Variants in HTR3A observed in about 807,000 individuals in gnomAD.
HTR3A encodes 5-hydroxytryptamine receptor 3A.
Under a neutral mutation model 54.8 loss-of-function variants are expected in HTR3A, and 45 were observed. The observed-to-expected ratio is 0.82, with a 90% CI of 0.65 to 1.05. The LOEUF is 1.05. Among genes scored for constraint, HTR3A ranks in the 50% least tolerant of loss-of-function variants. The pLI is 0.00. For synonymous variants in HTR3A, 297 were observed against 256.0 expected, an observed-to-expected ratio of 1.16 and a Z score of -1.53; for missense variants, 657 against 614.0, an observed-to-expected ratio of 1.07 and a Z score of -0.74.
Position 113,979,259 on chromosome 11 carries a change from C to T in HTR3A, c.246C>T (p.Thr82=), listed in dbSNP as rs1048995044. Residue 82 remains threonine (T), a synonymous_variant, in exon 3 of 9, where the codon ACC becomes ACT. Coordinates refer to ENST00000504030, the MANE Select transcript of HTR3A (RefSeq NM_000869.6). The part of the protein sequence containing the change: ...NVDEKNQVLT[T]YIWYRQYWTD... ...ATGAGAAGAATCAGGTGCTGACCAC[C>T]TACATCTGGTACCGGCAGGTGAGCA... 1 of 1,612,982 alleles carries T rather than the reference C, an allele frequency of 6.2e-7. No individual in the cohort carries two copies. Among genetic ancestry groups the T allele is most frequent in the East Asian group, 2.2e-5 (1 of 44,864 alleles).
intron 1 of HTR3A, among the ~76,000 whole-genome samples, chr11:113,976,567 TAGTTTGTGTG>T (rs1950352923): frequency 1.2e-5 from 1 of 84,018 alleles, no homozygotes; most frequent in Non-Finnish European, 2.6e-5. Flanking sequence ...ACTTAAAAAA[TAGTTTGTGTG>T]TGTGTGTGTG....
At chr11:113,980,602 C>T (rs1950410158) in intron 3 of HTR3A, among the ~76,000 whole-genome samples, 2 of 152,232 alleles carry the variant, frequency 1.3e-5, no homozygotes, top group Admixed American at 6.5e-5. Context: ...TGTTTCATTG[C>T]ATACGGCTGC....
intron 4 of HTR3A, among the ~76,000 whole-genome samples, chr11:113,981,650 T>C (rs1950423066): frequency 6.6e-6 from 1 of 151,940 alleles, no homozygotes; most frequent in African/African-American, 2.4e-5. Context: ...AGACAGTAAA[T>C]GTTTATTTAA....
At chr11:113,982,251 G>A (rs554675941) in intron 4 of HTR3A, among the ~76,000 whole-genome samples, 17 of 152,284 alleles carry the variant, frequency 1.1e-4, no homozygotes, top group East Asian at 3.9e-4. Context: ...CTGGGGAGAC[G>A]GAGGAAAAGG....
intron 2 of HTR3A, 46 bp downstream of exon 2, chr11:113,977,968 G>A: frequency 6.2e-7 from 1 of 1,611,734 alleles, no homozygotes; most frequent in Non-Finnish European, 8.5e-7. Flanking sequence ...TTTTGGGGGT[G>A]GGAGAAGGCC....
Position 113,989,667 on chromosome 11 carries a change from C to G in HTR3A, c.1341C>G (p.Ser447=). Residue 447 remains serine (S), a synonymous_variant, in exon 9 of 9, where the codon TCC becomes TCG. Transcript: ENST00000504030. This position sits in a 1 kb window ranked among gnomAD's most constrained non-coding sequence, Gnocchi z 4.4. ...EVARDWLRVG[S]VLDKLLFHIY... ...CCCGAGACTGGCTGCGCGTGGGCTC[C>G]GTGCTGGACAAGCTGCTATTCCACA... is the stretch of plus-strand genomic sequence containing the variant. The G allele has an allele frequency of 6.2e-7, 1 of 1,614,116 alleles. No homozygotes were observed.
chr11:113,989,409 G>T lies in HTR3A; in HGVS notation c.1139-56G>T. 1 of 1,595,698 alleles carries T rather than the reference G, an allele frequency of 6.3e-7. No homozygotes were observed. Among genetic ancestry groups the T allele is most frequent in the East Asian group, 2.2e-5 (1 of 44,816 alleles). ...AGGCTATAGAAGCATAAGGAACCATGTTCAGGTCACCACCCGGGGTCTCCC... is the reference window on the plus strand; with the variant it reads ...AGGCTATAGAAGCATAAGGAACCATTTTCAGGTCACCACCCGGGGTCTCCC... On this transcript the variant is annotated intron_variant, in intron 8 of 8. Coordinates refer to ENST00000504030, the MANE Select transcript of HTR3A (RefSeq NM_000869.6). The surrounding 1 kb of genome is among the most constrained non-coding windows in gnomAD (Gnocchi z 4.4).
chr11:113,983,108 T>A lies in HTR3A; in HGVS notation c.375-12T>A, dbSNP rs372567890. ...TCTTGAGCTCCCAAACTAACCCCTT[T>A]TCCCCCGCCAGCGTGGATGTGGGGA... is the stretch of plus-strand genomic sequence containing the variant. On this transcript the variant is annotated splice_polypyrimidine_tract_variant and intron_variant, in intron 4 of 8. Coordinates refer to ENST00000504030, the MANE Select transcript of HTR3A (RefSeq NM_000869.6). 6.2e-7 allele frequency: 1 copy of A among 1,614,048 alleles called. No homozygotes were observed. Among genetic ancestry groups the A allele is most frequent in the African/African-American group, 1.3e-5 (1 of 74,930 alleles).
intron 5 of HTR3A, 68 bp downstream of exon 5, chr11:113,983,357 G>A (rs1950447595): frequency 1.3e-6 from 2 of 1,569,570 alleles, no homozygotes; most frequent in South Asian, 1.1e-5. Flanking sequence ...TGAGCGAGGA[G>A]TGCTCCCCAG....
At chr11:113,981,819 G>A (rs541557969) in intron 4 of HTR3A, among the ~76,000 whole-genome samples, 2 of 151,934 alleles carry the variant, frequency 1.3e-5, no homozygotes, top group Admixed American at 6.6e-5. Context: ...TTAGCCAGGC[G>A]TGGTGGCGAG....
At chr11:113,977,257 G>C (rs1950362222) in intron 1 of HTR3A, among the ~76,000 whole-genome samples, 1 of 152,146 alleles carries the variant, frequency 6.6e-6, no homozygotes, top group Admixed American at 6.5e-5. Flanking sequence ...TTCTTTACCT[G>C]TTTCATACTC....
intron 3 of HTR3A, among the ~76,000 whole-genome samples, chr11:113,979,665 C>T (rs985628641): frequency 6.6e-6 from 1 of 152,134 alleles, no homozygotes; most frequent in Non-Finnish European, 1.5e-5. Flanking sequence ...CAGGATGGTT[C>T]GTTCCATCCA....
At chr11:113,976,908 G>A (rs1950359371) in intron 1 of HTR3A, among the ~76,000 whole-genome samples, 1 of 151,790 alleles carries the variant, frequency 6.6e-6, no homozygotes. Flanking sequence ...CCTTCTGGAA[G>A]TGCTCCTGCT....
chr11:113,981,064 G>T, intron 3 of HTR3A, 139 bp from the exon 4 acceptor site: 1 of 684,260 alleles, frequency 1.5e-6, no homozygotes. Flanking sequence ...TGAGGGAATT[G>T]GGCGCCACTG....
At chr11:113,975,421 T>A in intron 1 of HTR3A, 29 bp downstream of exon 1, 1 of 1,586,194 alleles carries the variant, frequency 6.3e-7, no homozygotes, top group Non-Finnish European at 8.6e-7. Flanking sequence ...GCAGCAGGAC[T>A]TGGCTGACCA....
chr11:113,986,502 T>C lies in HTR3A; in HGVS notation c.706-16T>C. On this transcript the variant is annotated splice_polypyrimidine_tract_variant and intron_variant, in intron 6 of 8. Transcript: ENST00000504030. ...TGTTTGCCCCAGGCTTCCCACAAGC[T>C]CTTCTCCGGTCCCAGGTGGTCATCC... The C allele has an allele frequency of 1.2e-6, 2 of 1,611,460 alleles. No homozygotes were observed. The highest frequency in any genetic ancestry group is 8.5e-7 in the Non-Finnish European group (1 of 1,179,980).
chr11:113,989,413 A>G lies in HTR3A; in HGVS notation c.1139-52A>G, dbSNP rs1950525404. ...TATAGAAGCATAAGGAACCATGTTC[A>G]GGTCACCACCCGGGGTCTCCCTCTC... On this transcript the variant is annotated intron_variant, in intron 8 of 8. Transcript: ENST00000504030. This position sits in a 1 kb window ranked among gnomAD's most constrained non-coding sequence, Gnocchi z 4.4. The G allele has an allele frequency of 1.2e-6, 2 of 1,600,822 alleles. No homozygotes were observed. The highest frequency in any genetic ancestry group is 8.6e-7 in the Non-Finnish European group (1 of 1,169,152).
At chr11:113,981,568 C>A (rs1437114738) in intron 4 of HTR3A, among the ~76,000 whole-genome samples, 1 of 152,094 alleles carries the variant, frequency 6.6e-6, no homozygotes, top group Non-Finnish European at 1.5e-5. Flanking sequence ...GCCCCTGCCA[C>A]AGGGAAAGAA....
chr11:113,985,815 T>C (rs1185170468), intron 5 of HTR3A, among the ~76,000 whole-genome samples, 200 bp from the exon 6 acceptor site: 1 of 152,128 alleles, frequency 6.6e-6, no homozygotes, highest in Non-Finnish European at 1.5e-5. Context: ...CTGCCCTCAG[T>C]GCGGCCCTGT....
Sources: allele counts gnomAD v4.1 joint callset (sites outside exome capture counted in the v4.1 genomes callset), GRCh38; gene constraint gnomAD v4.1.1; non-coding constraint Gnocchi (gnomAD v3.1); transcripts MANE v1.5; gene names NCBI Gene and HGNC (gene_info 2026-07-23, HGNC 2026-07-21).